The following NCAM2 variants were observed in gnomAD, a reference collection of about 807,000 sequenced individuals.
NCAM2 encodes N-CAM-2.
A neutral mutation model predicts 98.1 loss-of-function variants in NCAM2; 30 were observed. The observed-to-expected ratio is 0.31, with a 90% CI of 0.23 to 0.41. NCAM2 has a LOEUF of 0.41. Ranked by LOEUF, NCAM2 falls within the 10% of genes least tolerant of loss-of-function variation. The pLI, the probability that NCAM2 is intolerant of heterozygous loss-of-function variation, is 1.00. For synonymous variants in NCAM2, 368 were observed against 342.4 expected, an observed-to-expected ratio of 1.07 and a Z score of -0.83; for missense variants, 867 against 1,005.8, an observed-to-expected ratio of 0.86 and a Z score of 1.87.
chr21:21,166,566 G>T (rs2067958889), intron 1 of NCAM2, among the ~76,000 whole-genome samples: 1 of 152,108 alleles, frequency 6.6e-6, no homozygotes, highest in Admixed American at 6.6e-5. Flanking sequence ...CATATTCTCT[G>T]ATGGGCCATT....
At chr21:21,044,220 T>A (rs2064965103) in intron 1 of NCAM2, among the ~76,000 whole-genome samples, 1 of 152,212 alleles carries the variant, frequency 6.6e-6, no homozygotes, top group African/African-American at 2.4e-5. Context: ...TCAAAGGAGT[T>A]GATCTTTTCA....
intron 1 of NCAM2, among the ~76,000 whole-genome samples, chr21:21,169,190 A>G (rs993912306): frequency 1.3e-5 from 2 of 152,184 alleles, no homozygotes; most frequent in Non-Finnish European, 2.9e-5. Context: ...ACTGGAACAA[A>G]TACAGTTTTT....
chr21:21,453,012 T>A (rs1301100558), intron 12 of NCAM2, among the ~76,000 whole-genome samples: 1 of 104,480 alleles, frequency 9.6e-6, no homozygotes, highest in African/African-American at 3.9e-5. Context: ...ATATAATATA[T>A]AAAAATATAT....
intron 1 of NCAM2, among the ~76,000 whole-genome samples, chr21:21,275,776 C>G (rs1394988594): frequency 6.6e-6 from 1 of 152,126 alleles, no homozygotes; most frequent in African/African-American, 2.4e-5. Flanking sequence ...ATATTTATCA[C>G]AAGATACCCT....
At chr21:21,137,123 G>T (rs1387060925) in intron 1 of NCAM2, among the ~76,000 whole-genome samples, 1 of 152,072 alleles carries the variant, frequency 6.6e-6, no homozygotes, top group Admixed American at 6.5e-5. Context: ...GGGATTACAG[G>T]TGTGAGCCAC....
intron 1 of NCAM2, among the ~76,000 whole-genome samples, chr21:21,094,192 T>C (rs7510521): frequency 0.34 from 51,513 of 151,602 alleles, 11,001 homozygotes; most frequent in African/African-American, 0.61. Context: ...AATCAGAACT[T>C]GAAAATTAAA....
chr21:21,181,902 A>G (rs1156255906), intron 1 of NCAM2, among the ~76,000 whole-genome samples: 1 of 151,642 alleles, frequency 6.6e-6, no homozygotes, highest in Non-Finnish European at 1.5e-5. Flanking sequence ...TTTGTTTAAT[A>G]TTGTTCACAG....
chr21:21,063,210 C>CTTTTTTTTTTTTTTTTT (rs11325446), intron 1 of NCAM2, among the ~76,000 whole-genome samples: 1 of 66,052 alleles, frequency 1.5e-5, no homozygotes, highest in Non-Finnish European at 2.6e-5. Context: ...TCTTTACATT[C>CTTTTTTTTTTTTTTTTT]TTTTTTTTTT....
intron 1 of NCAM2, among the ~76,000 whole-genome samples, chr21:21,026,656 C>A (rs1413317369): frequency 2.6e-5 from 4 of 151,720 alleles, no homozygotes; most frequent in Non-Finnish European, 5.9e-5. Context: ...AATTTAGTAT[C>A]TTTCCTGGAT....
intron 8 of NCAM2, among the ~76,000 whole-genome samples, chr21:21,347,204 A>C (rs548332849): frequency 6.6e-6 from 1 of 152,110 alleles, no homozygotes; most frequent in Admixed American, 6.5e-5. Flanking sequence ...ACTGATGAGC[A>C]ACTATATGCC....
At chr21:21,228,021 C>A (rs2070459013) in intron 1 of NCAM2, among the ~76,000 whole-genome samples, 1 of 151,640 alleles carries the variant, frequency 6.6e-6, no homozygotes, top group African/African-American at 2.4e-5. Context: ...GAAGGTCAAT[C>A]ACAGGTAGGG....
intron 1 of NCAM2, among the ~76,000 whole-genome samples, chr21:21,209,250 G>A (rs896774663): frequency 3.9e-5 from 6 of 152,122 alleles, no homozygotes; most frequent in African/African-American, 1.4e-4. Flanking sequence ...TGGTCTTGCT[G>A]TGTCACCCAG....
intron 8 of NCAM2, among the ~76,000 whole-genome samples, chr21:21,354,539 A>G (rs1389857643): frequency 2.0e-5 from 3 of 152,194 alleles, no homozygotes; most frequent in African/African-American, 7.2e-5. Flanking sequence ...TTTTCAAAAT[A>G]TTACCTAACC....
intron 8 of NCAM2, among the ~76,000 whole-genome samples, chr21:21,348,123 CAA>C (rs1197679688): frequency 1.3e-5 from 2 of 151,952 alleles, no homozygotes; most frequent in Non-Finnish European, 2.9e-5. Context: ...AACAATTAGA[CAA>C]GAGAAAGATC....
At chr21:21,488,060 A>C (rs185845539) in intron 15 of NCAM2, among the ~76,000 whole-genome samples, 2 of 152,278 alleles carry the variant, frequency 1.3e-5, no homozygotes, top group East Asian at 3.9e-4. Context: ...TAAACATTTT[A>C]AATATGCCTA....
chr21:21,447,097 A>T (rs1476586398), intron 12 of NCAM2, among the ~76,000 whole-genome samples: 1 of 152,148 alleles, frequency 6.6e-6, no homozygotes, highest in East Asian at 1.9e-4. Context: ...TAACCAAGAC[A>T]ATCCTAAGCA....
intron 1 of NCAM2, among the ~76,000 whole-genome samples, chr21:21,159,977 A>G (rs1020088979): frequency 1.3e-5 from 2 of 152,092 alleles, no homozygotes; most frequent in Non-Finnish European, 2.9e-5. Flanking sequence ...GAAATTTGTT[A>G]TTGCCTGAGA....
intron 1 of NCAM2, among the ~76,000 whole-genome samples, chr21:21,202,876 A>G (rs929266583): frequency 1.4e-4 from 21 of 152,184 alleles, no homozygotes; most frequent in African/African-American, 1.7e-4. Flanking sequence ...TATTAAAAAT[A>G]TTATCAATGT....
chr21:21,460,046 A>G (rs1256006038), intron 12 of NCAM2, among the ~76,000 whole-genome samples: 1 of 151,964 alleles, frequency 6.6e-6, no homozygotes, highest in African/African-American at 2.4e-5. Context: ...TCAAAACATC[A>G]AGTTAAACCC....
Sources: allele counts gnomAD v4.1 joint callset (sites outside exome capture counted in the v4.1 genomes callset), GRCh38; gene constraint gnomAD v4.1.1; transcripts MANE v1.5; gene names NCBI Gene and HGNC (gene_info 2026-07-23, HGNC 2026-07-21).